Variants in CELF4 observed in about 807,000 individuals in gnomAD.
CELF4 encodes CUGBP Elav-like family member 4, also known as CUG-BP- and ETR-3-like factor 4.
In CELF4, 18 loss-of-function variants were observed where a neutral mutation model predicts 59.9. That is an observed-to-expected ratio of 0.30 (90% CI 0.21 to 0.45). The LOEUF is 0.45. Among genes scored for constraint, CELF4 ranks in the 20% least tolerant of loss-of-function variants. The probability of loss-of-function intolerance (pLI) is 1.00; values close to 1 mark genes in which losing one functional copy is unlikely to be tolerated. For missense variants in CELF4, 456 were observed against 689.0 expected (o/e 0.66, Z 3.79); for synonymous variants, 261 against 267.1 (o/e 0.98, Z 0.22).
intron 2 of CELF4, among the ~76,000 whole-genome samples, chr18:37,439,084 G>A: frequency 6.6e-6 from 1 of 152,126 alleles, no homozygotes; most frequent in East Asian, 1.9e-4. Context: ...GGGCCCCAGG[G>A]ACTCTCCAGG....
chr18:37,351,611 CTTTTTTTT>C (rs35650061), intron 2 of CELF4, among the ~76,000 whole-genome samples: 1 of 121,934 alleles, frequency 8.2e-6, no homozygotes, highest in East Asian at 2.5e-4. Context: ...TCTTCTTCTT[CTTTTTTTT>C]TTTTTTTTTG....
chr18:37,382,492 C>T (rs1039292173), intron 2 of CELF4, among the ~76,000 whole-genome samples: 13 of 152,202 alleles, frequency 8.5e-5, no homozygotes, highest in Non-Finnish European at 1.8e-4. Flanking sequence ...ACCATGTATC[C>T]TGGGCACTGG....
chr18:37,270,191 GA>G (rs11317608), intron 8 of CELF4, among the ~76,000 whole-genome samples: 118,920 of 152,148 alleles, frequency 0.78, 47,036 homozygotes, highest in African/African-American at 0.92. Context: ...CAGACTATTT[GA>G]AAAAATAGTC....
At chr18:37,260,499 A>T (rs2073610029) in intron 10 of CELF4, among the ~76,000 whole-genome samples, 1 of 152,208 alleles carries the variant, frequency 6.6e-6, no homozygotes, top group South Asian at 2.1e-4. Context: ...CAAGGTTCTG[A>T]CCAGAGGCTG....
At chr18:37,342,194 C>A (rs1190858389) in intron 2 of CELF4, among the ~76,000 whole-genome samples, 1 of 150,756 alleles carries the variant, frequency 6.6e-6, no homozygotes, top group Non-Finnish European at 1.5e-5. Flanking sequence ...CATTTTGTAT[C>A]CACATAGGAA....
At chr18:37,259,008 G>A (rs978937925) in intron 11 of CELF4, 173 bp downstream of exon 11, 1 of 927,714 alleles carries the variant, frequency 1.1e-6, no homozygotes. Context: ...CCATGGAGCA[G>A]CTGGGGCGGG....
chr18:37,262,787 A>G (rs2075533054), intron 10 of CELF4, among the ~76,000 whole-genome samples: 1 of 152,064 alleles, frequency 6.6e-6, no homozygotes, highest in African/African-American at 2.4e-5. Context: ...GAAGGCTTGG[A>G]CTGTGGGGAA....
At chr18:37,448,140 T>C (rs1328964131) in intron 2 of CELF4, among the ~76,000 whole-genome samples, 4 of 152,228 alleles carry the variant, frequency 2.6e-5, no homozygotes, top group Non-Finnish European at 5.9e-5. Flanking sequence ...CAGGTAACTT[T>C]TGGATGCTCA....
intron 2 of CELF4, among the ~76,000 whole-genome samples, chr18:37,390,802 C>CGGAGG (rs139992661): frequency 1.4e-3 from 80 of 57,816 alleles, no homozygotes; most frequent in East Asian, 1.0e-2. Context: ...GGTGATGGGG[C>CGGAGG]GGGGAGGGGG....
In CELF4 at chr18:37,501,079, G is replaced by A. The variant is rs141683704; in HGVS notation, c.287-15472C>T. Among the ~76,000 whole-genome samples the A allele has an allele frequency of 4.9e-3, 742 of 152,336 alleles. 8 individuals carry two copies. Among genetic ancestry groups the A allele is most frequent in the African/African-American group, 0.017 (703 of 41,578 alleles). ...AGGATTCAGGCCAGCTGAGAGCAGA[G>A]GTCTGGGACTGGAGTGAGAGAAGGT... On this transcript the variant is annotated intron_variant, in intron 1 of 12. Coordinates refer to ENST00000420428, the MANE Select transcript of CELF4 (RefSeq NM_020180.4).
At chr18:37,374,500 C>T (rs1398706401) in intron 2 of CELF4, among the ~76,000 whole-genome samples, 1 of 152,156 alleles carries the variant, frequency 6.6e-6, no homozygotes, top group Non-Finnish European at 1.5e-5. Flanking sequence ...AGGCTCACTG[C>T]CTGTTGTGGG....
At chr18:37,402,148 G>A (rs2099333382) in intron 2 of CELF4, among the ~76,000 whole-genome samples, 1 of 152,234 alleles carries the variant, frequency 6.6e-6, no homozygotes, top group Non-Finnish European at 1.5e-5. Flanking sequence ...GCCACCTGGA[G>A]GGGATGTGCC....
intron 2 of CELF4, among the ~76,000 whole-genome samples, chr18:37,442,362 A>G (rs1474431631): frequency 6.6e-6 from 1 of 152,230 alleles, no homozygotes; most frequent in Non-Finnish European, 1.5e-5. Flanking sequence ...TCTCAGATTG[A>G]TTCTCACTAG....
At chr18:37,350,875 G>A (rs571635049) in intron 2 of CELF4, among the ~76,000 whole-genome samples, 1 of 152,262 alleles carries the variant, frequency 6.6e-6, no homozygotes, top group Non-Finnish European at 1.5e-5. Flanking sequence ...GAGAGGGCAT[G>A]GTCAGGATTC....
Position 37,253,967 on chromosome 18 carries a change from G to A in CELF4, c.1334-29C>T, listed in dbSNP as rs780132663. Reference sequence around the variant, plus strand: ...GCGAGACACGAGGGACGAGGGCCTGGGTTTCCACGGGGCCGCCCGGGGCGC... The same window carrying A: ...GCGAGACACGAGGGACGAGGGCCTGAGTTTCCACGGGGCCGCCCGGGGCGC... On this transcript the variant is annotated intron_variant, in intron 11 of 12. Coordinates refer to ENST00000420428, the MANE Select transcript of CELF4 (RefSeq NM_020180.4). This position sits in a 1 kb window ranked among gnomAD's most constrained non-coding sequence, Gnocchi z 4.5. 6.3e-7 allele frequency: 1 copy of A among 1,581,544 alleles called. No individual in the cohort carries two copies. Among genetic ancestry groups the A allele is most frequent in the Admixed American group, 1.7e-5 (1 of 58,248 alleles).
chr18:37,275,031 C>A (rs1163501591), intron 4 of CELF4, 84 bp downstream of exon 4: 80 of 1,555,522 alleles, frequency 5.1e-5, no homozygotes, highest in Non-Finnish European at 6.9e-5. Flanking sequence ...ACGGCGATGG[C>A]CCCGGAGACT....
At chr18:37,386,400 C>A (rs1363821389) in intron 2 of CELF4, among the ~76,000 whole-genome samples, 1 of 152,122 alleles carries the variant, frequency 6.6e-6, no homozygotes. Flanking sequence ...GGATACCTTG[C>A]GGTCGTGGGG....
chr18:37,522,020 C>A (rs1039620782), intron 1 of CELF4, among the ~76,000 whole-genome samples: 3 of 152,224 alleles, frequency 2.0e-5, no homozygotes, highest in African/African-American at 7.2e-5. Flanking sequence ...AGAATGCCTG[C>A]TAACCTCTGC....
chr18:37,398,312 A>G (rs2099271115), intron 2 of CELF4, among the ~76,000 whole-genome samples: 1 of 152,178 alleles, frequency 6.6e-6, no homozygotes, highest in Non-Finnish European at 1.5e-5. Flanking sequence ...ATGACAGTGA[A>G]AGTCCTGTCC....
Sources: gnomAD v4.1 joint callset for allele counts (sites outside exome capture counted in the v4.1 genomes callset) on GRCh38, gnomAD v4.1.1 for gene constraint, Gnocchi (gnomAD v3.1) non-coding constraint, MANE v1.5 for transcripts, NCBI Gene and HGNC (gene_info 2026-07-23, HGNC 2026-07-21) for gene names.